Variants in GRK7 observed in about 807,000 individuals in gnomAD.
The protein encoded by GRK7 is rhodopsin kinase GRK7.
Under a neutral mutation model 34.1 loss-of-function variants are expected in GRK7, and 24 were observed. That is an observed-to-expected ratio of 0.70 (90% CI 0.51 to 0.99). GRK7 has a LOEUF of 0.99. Ranked by LOEUF, GRK7 falls within the 50% of genes least tolerant of loss-of-function variation. GRK7 has a pLI of 0.00. For missense variants in GRK7, 644 were observed against 707.3 expected (o/e 0.91, Z 1.02); for synonymous variants, 256 against 279.4 (o/e 0.92, Z 0.84).
At chr3:141,770,994 C>CAA (rs55988355) in intron 1 of GRK7, among the ~76,000 whole-genome samples, 30 of 84,652 alleles carry the variant, frequency 3.5e-4, no homozygotes, top group Admixed American at 8.2e-4. Context: ...TACCCAGTCT[C>CAA]AAAAAAAAAA....
intron 4 of GRK7, among the ~76,000 whole-genome samples, chr3:141,783,032 C>T (rs929595692): frequency 1.3e-5 from 2 of 152,174 alleles, no homozygotes; most frequent in African/African-American, 4.8e-5. Context: ...CTTTATAATT[C>T]TAGCCTTTTC....
the GRK7 span, among the ~76,000 whole-genome samples, chr3:141,750,612 T>TG: frequency 6.6e-6 from 1 of 152,200 alleles, no homozygotes; most frequent in Admixed American, 6.5e-5. Flanking sequence ...TCACTACTGA[T>TG]GCTGGTAATC....
intron 4 of GRK7, among the ~76,000 whole-genome samples, chr3:141,804,007 C>T (rs1179461769): frequency 1.3e-5 from 2 of 152,298 alleles, no homozygotes; most frequent in Admixed American, 1.3e-4. Context: ...CCACTGCCGG[C>T]TAGTACTTCA....
At chr3:141,777,350 A>G (rs1290089442) in intron 2 of GRK7, among the ~76,000 whole-genome samples, 2 of 14,106 alleles carry the variant, frequency 1.4e-4, no homozygotes, top group Admixed American at 1.0e-3. Context: ...TTTGAGACGG[A>G]GTCTCGCTCT....
intron 4 of GRK7, among the ~76,000 whole-genome samples, chr3:141,789,412 C>T (rs2084712216): frequency 6.6e-6 from 1 of 152,132 alleles, no homozygotes; most frequent in South Asian, 2.1e-4. Context: ...CTGAACCACT[C>T]CCACAGAGGG....
rs1711164255 is a variant in GRK7 at position 141,817,187 on chromosome 3, C to A, written c.*137C>A. On this transcript the variant is annotated 3_prime_UTR_variant, in exon 6 of 6. Coordinates refer to ENST00000682958, the MANE Select transcript of GRK7 (RefSeq NM_139209.3). ...ACCACAAAACAATTCAAAAGACAGG[C>A]AAGCTCACTACTAGAACACATTTTA... The A allele has an allele frequency of 4.8e-6, 3 of 626,044 alleles. No homozygotes were observed. Among genetic ancestry groups the A allele is most frequent in the Admixed American group, 3.1e-5 (1 of 32,482 alleles). 38.8% of individuals were successfully genotyped at this position (626,044 alleles called of 1,614,324 possible). A position where few individuals can be genotyped will look rare whatever the true frequency, so the allele number is the denominator to read the frequency against.
chr3:141,761,739 A>C (rs1397575275), upstream of GRK7, among the ~76,000 whole-genome samples: 1 of 131,132 alleles, frequency 7.6e-6, no homozygotes, highest in Non-Finnish European at 1.6e-5. Flanking sequence ...TCTCCGCATC[A>C]CTTTCAGGTA....
chr3:141,777,486 G>A lies in GRK7; in HGVS notation c.-113-686G>A, dbSNP rs1342910968. Among the ~76,000 whole-genome samples the A allele has an allele frequency of 7.2e-5, 4 of 55,590 alleles. No homozygotes were observed. In the East Asian group the frequency reaches 1.7e-3, roughly 24 times the overall value. 36.5% of individuals were successfully genotyped at this position (55,590 alleles called of 152,430 possible). The stretch of plus-strand genomic sequence containing the variant: ...ACTACAGGCGCCCGCCATCAAGCCC[G>A]GCTAATTTTTTTTTTTTTTTGTATT... On this transcript the variant is annotated intron_variant, in intron 2 of 5. Transcript: ENST00000682958.
rs369406551 is a variant in GRK7, at chr3:141,804,757, TCA to T, written c.1051-2885_1051-2884del. On this transcript the variant is annotated intron_variant, in intron 4 of 5. Coordinates refer to ENST00000682958, the MANE Select transcript of GRK7 (RefSeq NM_139209.3). ...CTCACATACACATACATATGCACAC[TCA>T]CATGCACACATACACACATGCTCAC... Among the ~76,000 whole-genome samples the T allele has an allele frequency of 4.2e-3, 619 of 146,756 alleles. 7 individuals are homozygous for T. Among genetic ancestry groups the T allele is most frequent in the African/African-American group, 0.015 (603 of 39,308 alleles).
chr3:141,796,193 C>T (rs1710870166), intron 4 of GRK7, among the ~76,000 whole-genome samples: 1 of 152,198 alleles, frequency 6.6e-6, no homozygotes. Context: ...GCTGACGTCA[C>T]ATGGGAGGCT....
intron 4 of GRK7, 112 bp downstream of exon 4, chr3:141,780,923 T>C (rs2084669616): frequency 1.4e-5 from 14 of 985,034 alleles, no homozygotes; most frequent in Non-Finnish European, 1.9e-5. Context: ...TTTTGGTTTT[T>C]TTTCCTAAAG....
the GRK7 span, among the ~76,000 whole-genome samples, chr3:141,750,720 T>TA: frequency 0.033 from 4,983 of 152,020 alleles, 113 homozygotes; most frequent in Middle Eastern, 0.082. Context: ...CTACAACCTG[T>TA]AAAAAAATTG....
intron 4 of GRK7, among the ~76,000 whole-genome samples, chr3:141,807,371 C>T (rs1020936060): frequency 6.6e-6 from 1 of 152,170 alleles, no homozygotes; most frequent in African/African-American, 2.4e-5. Flanking sequence ...ACATCAGGAG[C>T]AGCTACGGCT....
chr3:141,762,282 G>T (rs894932099), upstream of GRK7, among the ~76,000 whole-genome samples: 4 of 151,994 alleles, frequency 2.6e-5, no homozygotes, highest in Non-Finnish European at 4.4e-5. Context: ...GTGATGTACA[G>T]ATGGGTTTTC....
chr3:141,816,871 G>A lies in GRK7; in HGVS notation c.1483G>A (p.Val495Met), dbSNP rs1400132247. ...EIDDFSEVRGVEFDDKDKQFF... is the reference protein window; with the variant it reads ...EIDDFSEVRGMEFDDKDKQFF... The stretch of plus-strand genomic sequence containing the variant: ...TGATGATTTCTCTGAGGTTCGGGGG[G>A]TGGAATTTGATGACAAAGATAAGCA... The change falls in exon 6 of 6, where the codon GTG (valine) becomes ATG (methionine). Residue 495 changes from valine (V) to methionine (M), a missense_variant. By Grantham distance (21) the Val-to-Met change is conservative. Coordinates refer to ENST00000682958, the MANE Select transcript of GRK7 (RefSeq NM_139209.3). 7 of 1,614,154 alleles carry A rather than the reference G, an allele frequency of 4.3e-6. No homozygotes were observed. In the East Asian group the frequency reaches 6.7e-5, roughly 15 times the overall value.
chr3:141,794,544 G>T (rs1427398520), intron 4 of GRK7, among the ~76,000 whole-genome samples: 4 of 152,260 alleles, frequency 2.6e-5, no homozygotes, highest in African/African-American at 9.6e-5. Flanking sequence ...TATGGGCCAT[G>T]TTAAGGACTT....
rs189687292 is a variant in GRK7 at position 141,818,125 on chromosome 3, G to C, written c.*1075G>C. 2 of 152,128 alleles carry C rather than the reference G, an allele frequency of 1.3e-5. No individual in the cohort carries two copies. Among genetic ancestry groups the C allele is most frequent in the African/African-American group, 4.8e-5 (2 of 41,426 alleles). 9.4% of individuals were successfully genotyped at this position (152,128 alleles called of 1,614,324 possible). The stretch of plus-strand genomic sequence containing the variant: ...CCTTGCACACTTTAGTTTCTCACAC[G>C]TATCTTGGGAGCTCGGTCTCTTGGC... On this transcript the variant is annotated 3_prime_UTR_variant, in exon 6 of 6. Coordinates refer to ENST00000682958, the MANE Select transcript of GRK7 (RefSeq NM_139209.3).
At chr3:141,804,770 TAC>T (rs1226886036) in intron 4 of GRK7, among the ~76,000 whole-genome samples, 2 of 147,296 alleles carry the variant, frequency 1.4e-5, no homozygotes, top group African/African-American at 5.1e-5. Flanking sequence ...CATGCACACA[TAC>T]ACACATGCTC....
intron 5 of GRK7, among the ~76,000 whole-genome samples, chr3:141,813,912 G>A (rs1031964220): frequency 1.3e-5 from 2 of 152,180 alleles, no homozygotes; most frequent in Non-Finnish European, 2.9e-5. Flanking sequence ...AATAATATAA[G>A]TGAAGAGCTG....
Sources: allele counts gnomAD v4.1 joint callset (sites outside exome capture counted in the v4.1 genomes callset), GRCh38; gene constraint gnomAD v4.1.1; transcripts MANE v1.5; gene names NCBI Gene and HGNC (gene_info 2026-07-23, HGNC 2026-07-21).